PTN: variants seen among roughly 807,000 people sequenced by gnomAD.
The protein encoded by PTN is heparin affin regulatory protein.
PTN carries 18 observed loss-of-function variants against 24.1 expected under a neutral mutation model. The observed-to-expected ratio is 0.75, with a 90% CI of 0.52 to 1.11. The LOEUF is 1.11. PTN is among the 50% of genes least tolerant of loss of function. The pLI, the probability that PTN is intolerant of heterozygous loss-of-function variation, is 0.00. For missense variants in PTN, 163 were observed against 198.8 expected, an observed-to-expected ratio of 0.82 and a Z score of 1.08; for synonymous variants, 78 against 68.6, an observed-to-expected ratio of 1.14 and a Z score of -0.67.
At chr7:137,280,720 A>AAAAAAAAAAAAAAAAAAC in intron 1 of PTN, among the ~76,000 whole-genome samples, 1 of 133,386 alleles carries the variant, frequency 7.5e-6, no homozygotes, top group Middle Eastern at 3.8e-3. Flanking sequence ...AAAAAAAAAA[A>AAAAAAAAAAAAAAAAAAC]AAAAAGCTGA....
intron 1 of PTN, among the ~76,000 whole-genome samples, chr7:137,317,023 GTCTC>G (rs1319603148): frequency 6.6e-6 from 1 of 152,196 alleles, no homozygotes; most frequent in Non-Finnish European, 1.5e-5. Flanking sequence ...CAGGTTGGTG[GTCTC>G]TCTCTTTCTC....
intron 1 of PTN, among the ~76,000 whole-genome samples, chr7:137,341,347 A>G (rs924485517): frequency 2.6e-5 from 4 of 152,122 alleles, no homozygotes; most frequent in Non-Finnish European, 5.9e-5. Flanking sequence ...AGAAATGTAG[A>G]TCTTGTTATG....
intron 1 of PTN, among the ~76,000 whole-genome samples, chr7:137,341,996 T>A (rs956551627): frequency 6.6e-6 from 1 of 152,238 alleles, no homozygotes; most frequent in Non-Finnish European, 1.5e-5. Flanking sequence ...TGGACTATAT[T>A]TTTTAAACGA....
At position 137,320,606 on chromosome 7, in the gene PTN, GA is replaced by G. The variant is rs147339228; in HGVS notation, c.-2+22832del. ...ATTCCCTGGGAAGGTGTTTAGATAG[GA>G]GAAAGAGGATTAAAGCAAAATTTTG... On this transcript the variant is annotated intron_variant, in intron 1 of 4. Transcript: ENST00000348225. 1.4e-4 allele frequency among the ~76,000 whole-genome samples: 21 copies of G among 152,246 alleles called. No homozygotes were observed. In the East Asian group the frequency reaches 3.9e-3, roughly 28 times the overall value.
At chr7:137,334,995 G>A (rs1168337273) in intron 1 of PTN, among the ~76,000 whole-genome samples, 2 of 140,320 alleles carry the variant, frequency 1.4e-5, no homozygotes, top group Non-Finnish European at 3.0e-5. Context: ...TTGAACAATG[G>A]GAACACATGG....
chr7:137,244,478 C>T (rs1808689130), intron 4 of PTN, among the ~76,000 whole-genome samples: 1 of 151,188 alleles, frequency 6.6e-6, no homozygotes, highest in South Asian at 2.1e-4. Context: ...TGTGCTGCAC[C>T]CATTAACTTG....
intron 1 of PTN, among the ~76,000 whole-genome samples, chr7:137,259,187 C>A (rs1808988551): frequency 6.6e-6 from 1 of 152,082 alleles, no homozygotes; most frequent in South Asian, 2.1e-4. Context: ...TCTATTAAAT[C>A]TCAATCTCTT....
At chr7:137,266,911 C>T (rs115591876) in intron 1 of PTN, among the ~76,000 whole-genome samples, 1,663 of 145,084 alleles carry the variant, frequency 0.011, 27 homozygotes, top group African/African-American at 0.04. Context: ...AAGCAGCTGC[C>T]GCTACAGATT....
chr7:137,323,855 C>A (rs1184389545), intron 1 of PTN, among the ~76,000 whole-genome samples: 1 of 152,106 alleles, frequency 6.6e-6, no homozygotes, highest in Non-Finnish European at 1.5e-5. Flanking sequence ...GAAGCTGATG[C>A]TGCAGAGCCA....
At chr7:137,330,645 G>C (rs973877895) in intron 1 of PTN, among the ~76,000 whole-genome samples, 2 of 152,178 alleles carry the variant, frequency 1.3e-5, no homozygotes, top group African/African-American at 4.8e-5. Flanking sequence ...TCAGGGACCA[G>C]ATTGTCCAAC....
At chr7:137,290,256 G>C (rs1809619462) in intron 1 of PTN, among the ~76,000 whole-genome samples, 1 of 152,100 alleles carries the variant, frequency 6.6e-6, no homozygotes, top group African/African-American at 2.4e-5. Flanking sequence ...CGCAACATGT[G>C]GGAATTCAAG....
At chr7:137,229,959 A>T (rs1034452027) in intron 4 of PTN, among the ~76,000 whole-genome samples, 1 of 151,804 alleles carries the variant, frequency 6.6e-6, no homozygotes, top group Admixed American at 6.6e-5. Context: ...TAGGATTTCA[A>T]CTGAGACCTA....
At chr7:137,266,324 C>T (rs1809143782) in intron 1 of PTN, among the ~76,000 whole-genome samples, 1 of 151,904 alleles carries the variant, frequency 6.6e-6, no homozygotes, top group Admixed American at 6.6e-5. Context: ...GGTAAAAATC[C>T]ACATTCTTAT....
At chr7:137,250,230 C>T (rs947087682) in intron 4 of PTN, among the ~76,000 whole-genome samples, 4 of 152,100 alleles carry the variant, frequency 2.6e-5, no homozygotes, top group Admixed American at 1.3e-4. Flanking sequence ...GCTTAAACAA[C>T]AGAAATTTAT....
Position 137,283,562 on chromosome 7 carries a change from C to A in PTN, c.-1-28588G>T, listed in dbSNP as rs185822240. 5.9e-5 allele frequency among the ~76,000 whole-genome samples: 9 copies of A among 152,298 alleles called. No homozygotes were observed. In the East Asian group the frequency reaches 1.5e-3, roughly 26 times the overall value. On this transcript the variant is annotated intron_variant, in intron 1 of 4. Coordinates refer to ENST00000348225, the MANE Select transcript of PTN (RefSeq NM_002825.7). Reference sequence around the variant, plus strand: ...TACTTCATTAGAGACCTAGTGACATCTTCCAAAACTAGAACATTACATGAG... The same window carrying A: ...TACTTCATTAGAGACCTAGTGACATATTCCAAAACTAGAACATTACATGAG...
chr7:137,304,899 C>T (rs767025548), intron 1 of PTN, among the ~76,000 whole-genome samples: 1 of 151,922 alleles, frequency 6.6e-6, no homozygotes. Flanking sequence ...CCCATAAAGT[C>T]CAACACTCAT....
intron 4 of PTN, among the ~76,000 whole-genome samples, chr7:137,243,287 C>A (rs1808664485): frequency 6.6e-6 from 1 of 152,186 alleles, no homozygotes; most frequent in African/African-American, 2.4e-5. Context: ...TGTTTTCCAA[C>A]TTTCTTCCTT....
At chr7:137,263,389 G>A (rs771155319) in intron 1 of PTN, among the ~76,000 whole-genome samples, 6 of 152,118 alleles carry the variant, frequency 3.9e-5, no homozygotes, top group African/African-American at 7.2e-5. Flanking sequence ...TAACTAGTAA[G>A]GTTAAATTTC....
intron 4 of PTN, chr7:137,236,151 A>C (rs773574897): frequency 2.8e-6 from 2 of 702,066 alleles, no homozygotes; most frequent in South Asian, 3.0e-5. Context: ...CACCAGTTGC[A>C]TCAGTAGACG....
Sources: gnomAD v4.1 joint callset for allele counts (sites outside exome capture counted in the v4.1 genomes callset) on GRCh38, gnomAD v4.1.1 for gene constraint, MANE v1.5 for transcripts, NCBI Gene and HGNC (gene_info 2026-07-23, HGNC 2026-07-21) for gene names.